The following CEP152 variants were observed in gnomAD, a reference collection of about 807,000 sequenced individuals.
CEP152 encodes centrosomal protein 152.
CEP152 carries 132 observed loss-of-function variants against 188.9 expected under a neutral mutation model. That is an observed-to-expected ratio of 0.70 (90% CI 0.61 to 0.81). The LOEUF is 0.81. CEP152 is among the 30% of genes least tolerant of loss of function. The probability of loss-of-function intolerance (pLI) is 0.00; values close to 1 mark genes in which losing one functional copy is unlikely to be tolerated. For missense variants in CEP152, 1,914 were observed against 1,969.8 expected (o/e 0.97, Z 0.54); for synonymous variants, 649 against 666.6 (o/e 0.97, Z 0.41).
At chr15:48,781,807 G>C (rs1176946519) in intron 11 of CEP152, among the ~76,000 whole-genome samples, 1 of 152,138 alleles carries the variant, frequency 6.6e-6, no homozygotes, top group African/African-American at 2.4e-5. Flanking sequence ...AATAGCACTG[G>C]AGGAGGATAT....
At chr15:48,729,773 G>A (rs1238276802) in intron 2 of CEP152, 1 of 151,814 alleles carries the variant, frequency 6.6e-6, no homozygotes, top group African/African-American at 2.4e-5. Flanking sequence ...TATATTTACA[G>A]ACAAATATAA....
chr15:48,773,904 A>G (rs1329420342), intron 12 of CEP152, among the ~76,000 whole-genome samples: 3 of 152,250 alleles, frequency 2.0e-5, no homozygotes, highest in African/African-American at 7.2e-5. Flanking sequence ...TATCAGGCAT[A>G]GAAAGAAGTA....
rs1424609871 is a variant in CEP152 at position 48,772,515 on chromosome 15, T to C, written c.1754A>G (p.Lys585Arg). The change falls in exon 13 of 27, where the codon AAG (lysine) becomes AGG (arginine). Residue 585 changes from lysine to arginine, a missense_variant. By Grantham distance (26) the Lys-to-Arg change is conservative. Transcript: ENST00000380950. ...AACCTCAATGCTTTTTTCATCCTTC[T>C]TCACTTGGTGGAGATCTTCAATTTT... is the stretch of plus-strand genomic sequence containing the variant. Reference protein sequence around the residue: ...HKKIEDLHQVKKDEKSIEVET... With the variant: ...HKKIEDLHQVRKDEKSIEVET... The C allele has an allele frequency of 1.2e-6, 2 of 1,613,532 alleles. No individual in the cohort carries two copies. The highest frequency in any genetic ancestry group is 1.7e-6 in the Non-Finnish European group (2 of 1,180,000).
At chr15:48,741,433 T>C (rs1051040681) in intron 26 of CEP152, 168 bp downstream of exon 26, 3 of 1,473,030 alleles carry the variant, frequency 2.0e-6, no homozygotes, top group East Asian at 2.5e-5. Flanking sequence ...CCTACTTAAA[T>C]TGGAAACTGT....
At chr15:48,807,299 G>A (rs1434162241) in intron 1 of CEP152, among the ~76,000 whole-genome samples, 1 of 152,172 alleles carries the variant, frequency 6.6e-6, no homozygotes. Context: ...ACATGAAATG[G>A]TGAGGGAAAA....
intron 17 of CEP152, among the ~76,000 whole-genome samples, chr15:48,764,050 G>A (rs966394334): frequency 1.3e-5 from 2 of 152,164 alleles, no homozygotes; most frequent in Non-Finnish European, 2.9e-5. Context: ...AATAAAACTG[G>A]TGTGGTAACT....
chr15:48,772,451 TA>T, intron 13 of CEP152, 35 bp downstream of exon 13: 1 of 1,575,044 alleles, frequency 6.3e-7, no homozygotes, highest in African/African-American at 1.3e-5. Flanking sequence ...TTGAGCCTTT[TA>T]AAAATGGTTT....
At chr15:48,786,402 T>C (rs1046258605) in intron 9 of CEP152, among the ~76,000 whole-genome samples, 1 of 152,152 alleles carries the variant, frequency 6.6e-6, no homozygotes, top group Non-Finnish European at 1.5e-5. Context: ...AAAGAACTAT[T>C]ATAATATGTT....
chr15:48,739,345 T>A (rs1286799713), intron 26 of CEP152, 57 bp from the exon 27 acceptor site: 1 of 1,532,752 alleles, frequency 6.5e-7, no homozygotes, highest in Non-Finnish European at 8.7e-7. Flanking sequence ...AAGGGAAGAT[T>A]CATCCTTGAA....
At position 48,772,888 on chromosome 15, in the gene CEP152, T is replaced by C. The variant is rs183111617; in HGVS notation, c.1578-197A>G. Among the ~76,000 whole-genome samples the C allele has an allele frequency of 5.1e-4, 77 of 152,330 alleles. 2 individuals carry two copies. The East Asian group carries it at 0.01, about 21-fold the overall frequency. ...ATGTCTCTATATACAGAAATACGTT[T>C]ATTCACAGGAAGAGCCTTCTCAAGC... On this transcript the variant is annotated intron_variant, in intron 12 of 26. Coordinates refer to ENST00000380950, the MANE Select transcript of CEP152 (RefSeq NM_001194998.2).
chr15:48,772,729 TAATA>T, intron 12 of CEP152, 38 bp from the exon 13 acceptor site: 1 of 1,554,488 alleles, frequency 6.4e-7, no homozygotes. Flanking sequence ...TTAAATCAAG[TAATA>T]AATCAGACAT....
chr15:48,798,086 C>A (rs771510799), intron 2 of CEP152, 35 bp from the exon 3 acceptor site: 10 of 1,567,628 alleles, frequency 6.4e-6, no homozygotes, highest in Non-Finnish European at 8.8e-6. Flanking sequence ...ATCATACCAA[C>A]TTAAACACAA....
chr15:48,784,717 G>A (rs776985258), intron 9 of CEP152, among the ~76,000 whole-genome samples: 1 of 152,110 alleles, frequency 6.6e-6, no homozygotes, highest in African/African-American at 2.4e-5. Flanking sequence ...CCTTGAAGGT[G>A]CTTCTGCAGT....
intron 13 of CEP152, among the ~76,000 whole-genome samples, chr15:48,771,886 T>G (rs1383102580): frequency 6.6e-6 from 1 of 152,212 alleles, no homozygotes; most frequent in Non-Finnish European, 1.5e-5. Flanking sequence ...TCATGAAATT[T>G]ATTGAACACT....
chr15:48,751,593 A>G (rs995455255), intron 21 of CEP152, among the ~76,000 whole-genome samples: 2 of 152,204 alleles, frequency 1.3e-5, no homozygotes, highest in Non-Finnish European at 2.9e-5. Flanking sequence ...CTTGGCAATT[A>G]TTAGTTCTTT....
At chr15:48,750,116 A>G (rs1893767603) in intron 21 of CEP152, among the ~76,000 whole-genome samples, 1 of 152,126 alleles carries the variant, frequency 6.6e-6, no homozygotes, top group Non-Finnish European at 1.5e-5. Context: ...GTATCTCATT[A>G]AAGGGTATGT....
At chr15:48,775,395 T>C (rs755859904) in intron 12 of CEP152, among the ~76,000 whole-genome samples, 33 of 152,134 alleles carry the variant, frequency 2.2e-4, no homozygotes, top group Non-Finnish European at 4.7e-4. Flanking sequence ...AAAAAATTCT[T>C]AAAGCAGCAA....
chr15:48,795,567 C>G (rs1897239725), intron 6 of CEP152, among the ~76,000 whole-genome samples: 1 of 152,108 alleles, frequency 6.6e-6, no homozygotes, highest in Non-Finnish European at 1.5e-5. Flanking sequence ...GGCGAGGATA[C>G]TTAACACTAT....
chr15:48,736,117 A>G (rs1892587886), downstream of CEP152, among the ~76,000 whole-genome samples: 1 of 152,220 alleles, frequency 6.6e-6, no homozygotes, highest in African/African-American at 2.4e-5. Flanking sequence ...GAATAGCTCT[A>G]TAACAAGAAA....
Sources: allele counts gnomAD v4.1 joint callset (sites outside exome capture counted in the v4.1 genomes callset), GRCh38; gene constraint gnomAD v4.1.1; transcripts MANE v1.5; gene names NCBI Gene and HGNC (gene_info 2026-07-23, HGNC 2026-07-21).